The following MBP variants were observed in gnomAD, a reference collection of about 807,000 sequenced individuals.
The protein encoded by MBP is myelin basic protein, also known as Golli-MBP.
A neutral mutation model predicts 35.8 loss-of-function variants in MBP; 16 were observed. That is an observed-to-expected ratio of 0.45 (90% CI 0.30 to 0.68). MBP has a LOEUF of 0.68. Among genes scored for constraint, MBP ranks in the 30% least tolerant of loss-of-function variants. MBP has a pLI of 0.08. For synonymous variants in MBP, 143 were observed against 159.6 expected, an observed-to-expected ratio of 0.90 and a Z score of 0.78; for missense variants, 380 against 404.7, an observed-to-expected ratio of 0.94 and a Z score of 0.52.
At chr18:77,081,843 T>C (rs56056081) in intron 2 of MBP, among the ~76,000 whole-genome samples, 549 of 16,234 alleles carry the variant, frequency 0.034, 12 homozygotes, top group South Asian at 0.23. Flanking sequence ...CACACACACA[T>C]ATATATATAT....
chr18:77,009,013 C>T (rs1437765616), intron 4 of MBP, among the ~76,000 whole-genome samples: 1 of 152,244 alleles, frequency 6.6e-6, no homozygotes, highest in East Asian at 1.9e-4. Context: ...TATTTAGGTA[C>T]TTGAGCAGCT....
At chr18:77,003,396 G>T (rs1970743784) in intron 4 of MBP, 1 of 152,218 alleles carries the variant, frequency 6.6e-6, no homozygotes, top group Non-Finnish European at 1.5e-5. Flanking sequence ...GGCCCTGAGA[G>T]TGAAGGGCGA....
At chr18:77,129,435 G>A (rs528726335) in intron 1 of MBP, among the ~76,000 whole-genome samples, 2 of 152,194 alleles carry the variant, frequency 1.3e-5, no homozygotes, top group African/African-American at 4.8e-5. Flanking sequence ...TCCTACAGAC[G>A]TCCCACAAAC....
rs899291042 is a variant in MBP, at chr18:76,988,326, T to C, written c.750+169A>G. On this transcript the variant is annotated intron_variant, in intron 7 of 8. Transcript: ENST00000355994. The surrounding 1 kb of genome is among the most constrained non-coding windows in gnomAD (Gnocchi z 5.2). The stretch of plus-strand genomic sequence containing the variant: ...TTCCGGAAGGGAAGACCACGTTTCA[T>C]TTCCCCAGTGGAAGACAAGGCGGCC... The C allele has an allele frequency of 1.3e-6, 2 of 1,586,032 alleles. No homozygotes were observed. Among genetic ancestry groups the C allele is most frequent in the African/African-American group, 2.7e-5 (2 of 74,146 alleles).
rs35635526 is a variant in MBP, at chr18:76,989,263, C to T, written c.682-351G>A. On this transcript the variant is annotated intron_variant, in intron 5 of 8. Coordinates refer to ENST00000355994, the MANE Select transcript of MBP (RefSeq NM_001025101.2). The surrounding 1 kb of genome is among the most constrained non-coding windows in gnomAD (Gnocchi z 4.0). ...GGGCTAGGAGTAGCGGGCCCTCTGA[C>T]ATTCAGAGCTTCCAAGGGGATGTCC... Among the ~76,000 whole-genome samples the T allele has an allele frequency of 0.23, 34,673 of 152,082 alleles. 5,040 individuals carry two copies. Among genetic ancestry groups the T allele is most frequent in the East Asian group, 0.34 (1,745 of 5,154 alleles).
intron 3 of MBP, 38 bp downstream of exon 3, chr18:77,066,260 C>T (rs765885668): frequency 1.3e-5 from 20 of 1,502,104 alleles, no homozygotes; most frequent in Non-Finnish European, 1.8e-5. Context: ...CACGCTGTCA[C>T]CATGTGGCGC....
intron 3 of MBP, among the ~76,000 whole-genome samples, chr18:77,053,155 C>T (rs149787746): frequency 6.6e-6 from 1 of 152,364 alleles, no homozygotes; most frequent in Non-Finnish European, 1.5e-5. Flanking sequence ...CCAGGGAGCT[C>T]AACACCAGAT....
intron 1 of MBP, among the ~76,000 whole-genome samples, chr18:77,126,648 C>CA (rs1362602739): frequency 1.3e-5 from 2 of 151,682 alleles, no homozygotes; most frequent in African/African-American, 2.4e-5. Context: ...AGAAATCTAC[C>CA]AAAAAAAATC....
chr18:76,979,650 A>G lies in MBP; in HGVS notation c.*777T>C, dbSNP rs1969069757. 4.7e-6 allele frequency: 2 copies of G among 427,554 alleles called. No individual in the cohort carries two copies. Among genetic ancestry groups the G allele is most frequent in the Non-Finnish European group, 4.3e-6 (1 of 234,280 alleles). 26.5% of individuals were successfully genotyped at this position (427,554 alleles called of 1,614,324 possible). ...ACCATGCAGGGCAACGGTGACGTCC[A>G]GAGGCCACCTGCTTGACATCTCCAT... is the stretch of plus-strand genomic sequence containing the variant. On this transcript the variant is annotated 3_prime_UTR_variant, in exon 9 of 9. Coordinates refer to ENST00000355994, the MANE Select transcript of MBP (RefSeq NM_001025101.2).
chr18:77,095,317 GC>G (rs1975712101), intron 2 of MBP: 1 of 152,118 alleles, frequency 6.6e-6, no homozygotes, highest in African/African-American at 2.4e-5. Flanking sequence ...ATATTAAATG[GC>G]CAATTTAAGA....
At chr18:76,987,951 A>G (rs759189551) in intron 7 of MBP, 29 of 1,157,748 alleles carry the variant, frequency 2.5e-5, no homozygotes, top group Non-Finnish European at 3.0e-5. Flanking sequence ...ATGGCTTGAT[A>G]TCTATGTTTT....
chr18:77,050,667 T>C lies in MBP; in HGVS notation c.139+15631A>G, dbSNP rs55644001. 3.3e-3 allele frequency among the ~76,000 whole-genome samples: 507 copies of C among 152,298 alleles called. 3 individuals are homozygous for C. The highest frequency in any genetic ancestry group is 0.012 in the African/African-American group (488 of 41,570). On this transcript the variant is annotated intron_variant, in intron 3 of 8. Transcript: ENST00000355994. ...ATTCAAGTGATTCTCCTGCCTCAGC[T>C]TCCCCAGTAGCTGGAATTATAGGAC...
rs1395841681 is a variant in MBP at position 77,087,100 on chromosome 18, G to C, written c.51+18111C>G. Among the ~76,000 whole-genome samples the C allele has an allele frequency of 3.3e-5, 5 of 151,972 alleles. No homozygotes were observed. In the East Asian group the frequency reaches 9.6e-4, roughly 29 times the overall value. ...CATAGAAAAAAAAAACAACAACAAC[G>C]AAGACACATGCTTTTGGATGCGAAG... On this transcript the variant is annotated intron_variant, in intron 2 of 8. Transcript: ENST00000355994.
intron 1 of MBP, among the ~76,000 whole-genome samples, chr18:77,111,504 G>A (rs1236094436): frequency 6.6e-6 from 1 of 152,268 alleles, no homozygotes. Context: ...AGGGGCAGCA[G>A]CAGAAGGCTG....
chr18:77,022,574 G>A (rs1441206574), intron 3 of MBP, among the ~76,000 whole-genome samples: 2 of 152,204 alleles, frequency 1.3e-5, no homozygotes, highest in African/African-American at 2.4e-5. Context: ...TAGGTTGCAA[G>A]AACAACAGAA....
chr18:77,086,055 C>G (rs759507798), intron 2 of MBP, among the ~76,000 whole-genome samples: 53 of 152,328 alleles, frequency 3.5e-4, no homozygotes, highest in Middle Eastern at 3.4e-3. Flanking sequence ...ATTCTAACTG[C>G]ATCTGCATTC....
chr18:77,085,622 A>G (rs1975194438), intron 2 of MBP, among the ~76,000 whole-genome samples: 1 of 151,792 alleles, frequency 6.6e-6, no homozygotes, highest in Non-Finnish European at 1.5e-5. Flanking sequence ...GCCTTTGGAA[A>G]GGTGAACATA....
intron 2 of MBP, among the ~76,000 whole-genome samples, chr18:77,098,834 C>T (rs79248646): frequency 0.011 from 1,655 of 152,330 alleles, 16 homozygotes; most frequent in Middle Eastern, 0.034. Flanking sequence ...TTAAACGGGC[C>T]GTTCCTTGTT....
intron 3 of MBP, among the ~76,000 whole-genome samples, chr18:77,048,270 G>A (rs1277230177): frequency 6.6e-6 from 1 of 152,212 alleles, no homozygotes; most frequent in Admixed American, 6.5e-5. Context: ...GCGTTCTGAG[G>A]ACTGTGCAGA....
Sources: allele counts gnomAD v4.1 joint callset (sites outside exome capture counted in the v4.1 genomes callset), GRCh38; gene constraint gnomAD v4.1.1; non-coding constraint Gnocchi (gnomAD v3.1); transcripts MANE v1.5; gene names NCBI Gene and HGNC (gene_info 2026-07-23, HGNC 2026-07-21).